Variants in SENP7 observed in about 807,000 individuals in gnomAD.
SENP7 encodes the protein SUMO specific peptidase 7, also known as sentrin-specific protease 7.
A neutral mutation model predicts 141.2 loss-of-function variants in SENP7; 64 were observed. The ratio of observed to expected loss-of-function variants is 0.45; its 90% CI spans 0.37 to 0.56. The LOEUF is 0.56. SENP7 is among the 20% of genes least tolerant of loss of function. The pLI, the probability that SENP7 is intolerant of heterozygous loss-of-function variation, is 0.00. For synonymous variants in SENP7, 382 were observed against 426.4 expected (o/e 0.90, Z 1.28); for missense variants, 1,025 against 1,212.2 (o/e 0.85, Z 2.29).
chr3:101,423,646 G>A (rs1027754395), intron 4 of SENP7, among the ~76,000 whole-genome samples: 5 of 152,168 alleles, frequency 3.3e-5, no homozygotes, highest in Admixed American at 1.3e-4. Flanking sequence ...AAGACGATGG[G>A]TGCACTCCTA....
intron 4 of SENP7, chr3:101,457,315 C>T: frequency 7.0e-7 from 1 of 1,438,698 alleles, no homozygotes; most frequent in Non-Finnish European, 9.7e-7. Flanking sequence ...TCATCCTCCC[C>T]AGTAGCAAGT....
At position 101,325,847 on chromosome 3, in the gene SENP7, A is replaced by T; in HGVS notation, c.*96T>A. 8.9e-7 allele frequency: 1 copy of T among 1,125,224 alleles called. No homozygotes were observed. Among genetic ancestry groups the T allele is most frequent in the Non-Finnish European group, 1.2e-6 (1 of 812,022 alleles). 69.7% of individuals were successfully genotyped at this position (1,125,224 alleles called of 1,614,324 possible). ...AATGACTTATTATAAAACTACTGCA[A>T]GTTATTTTCTTCTCTGTGAGCTGGC... On this transcript the variant is annotated 3_prime_UTR_variant, in exon 24 of 24. Coordinates refer to ENST00000394095, the MANE Select transcript of SENP7 (RefSeq NM_020654.5).
At chr3:101,455,005 C>T (rs754685521) in intron 4 of SENP7, among the ~76,000 whole-genome samples, 1 of 151,994 alleles carries the variant, frequency 6.6e-6, no homozygotes, top group Non-Finnish European at 1.5e-5. Context: ...TAAATTATAT[C>T]ACAATAAAAC....
chr3:101,370,748 T>C (rs529730388), intron 7 of SENP7, among the ~76,000 whole-genome samples: 1 of 152,316 alleles, frequency 6.6e-6, no homozygotes, highest in South Asian at 2.1e-4. Context: ...ACACTGACAG[T>C]GACTAATTGG....
In SENP7 at chr3:101,346,269, G is replaced by T. The variant is rs117673256; in HGVS notation, c.1837+1603C>A. On this transcript the variant is annotated intron_variant, in intron 13 of 23. Coordinates refer to ENST00000394095, the MANE Select transcript of SENP7 (RefSeq NM_020654.5). ...AAAGAATGAAAAAATAATAGAAGTT[G>T]GTGTGGATACAGTGAAAAGGGAACA... 3.9e-4 allele frequency among the ~76,000 whole-genome samples: 59 copies of T among 152,194 alleles called. 2 individuals are homozygous for T. In the East Asian group the frequency reaches 0.011, roughly 29 times the overall value.
intron 10 of SENP7, chr3:101,363,218 C>A: frequency 3.2e-6 from 2 of 617,718 alleles, no homozygotes; most frequent in Non-Finnish European, 4.0e-6. Flanking sequence ...AAAAGGGAAT[C>A]AATCAATCAA....
chr3:101,398,788 CTG>C, intron 6 of SENP7, 71 bp downstream of exon 6: 2 of 1,078,422 alleles, frequency 1.9e-6, no homozygotes, highest in Non-Finnish European at 2.6e-6. Flanking sequence ...AATAATGTAT[CTG>C]TGAAAAAGAA....
At chr3:101,499,559 A>G (rs369936764) in intron 2 of SENP7, among the ~76,000 whole-genome samples, 6,838 of 137,794 alleles carry the variant, frequency 0.05, 304 homozygotes, top group Middle Eastern at 0.08. Context: ...TCTTGGAGAC[A>G]GAGTCTCGCT....
chr3:101,482,589 G>T (rs896046061), intron 3 of SENP7, among the ~76,000 whole-genome samples: 17 of 152,234 alleles, frequency 1.1e-4, no homozygotes, highest in African/African-American at 4.1e-4. Flanking sequence ...AGAAGCAAAC[G>T]ACTAGGCATA....
In SENP7 at chr3:101,364,913, C is replaced by G. The variant is rs369409505; in HGVS notation, c.1397G>C (p.Arg466Pro). 1 of 1,602,716 alleles carries G rather than the reference C, an allele frequency of 6.2e-7. No individual in the cohort carries two copies. Among genetic ancestry groups the G allele is most frequent in the South Asian group, 1.1e-5 (1 of 89,136 alleles). Residue 466 changes from arginine (R) to proline (P), a missense_variant, in exon 10 of 24, where the codon CGT becomes CCT. Transcript: ENST00000394095. ...EILKLQSKQD[R>P]ETTNENESTS... ...ACTCTCATTTTCATTAGTTGTCTCA[C>G]GGTCTTGCTTAGATTGTAACTTAAG...
intron 14 of SENP7, among the ~76,000 whole-genome samples, chr3:101,343,137 T>TG (rs1189469760): frequency 6.6e-6 from 1 of 152,214 alleles, no homozygotes. Context: ...GTCTTATTAC[T>TG]GGTGATGTTC....
chr3:101,376,827 C>A, intron 6 of SENP7, among the ~76,000 whole-genome samples: 1 of 151,212 alleles, frequency 6.6e-6, no homozygotes. Context: ...GAATTTGAAA[C>A]AAAGCTGGGA....
intron 6 of SENP7, among the ~76,000 whole-genome samples, chr3:101,374,310 T>C (rs922251007): frequency 2.0e-5 from 3 of 152,158 alleles, no homozygotes; most frequent in African/African-American, 7.2e-5. Flanking sequence ...TAACTCAAAG[T>C]GGATCAAACA....
chr3:101,488,608 G>A (rs567885320), intron 3 of SENP7, among the ~76,000 whole-genome samples: 31 of 152,318 alleles, frequency 2.0e-4, no homozygotes, highest in Admixed American at 1.4e-3. Flanking sequence ...TTGGGAGGCC[G>A]AGGCAGCTGG....
chr3:101,389,813 G>C (rs1175534271), intron 6 of SENP7, among the ~76,000 whole-genome samples: 1 of 151,862 alleles, frequency 6.6e-6, no homozygotes, highest in Non-Finnish European at 1.5e-5. Flanking sequence ...TGATAAAAGT[G>C]GAAGAAAGAA....
In SENP7 at chr3:101,347,955, T is replaced by A. The variant is rs1559699447; in HGVS notation, c.1754A>T (p.His585Leu). The A allele has an allele frequency of 1.2e-6, 2 of 1,610,152 alleles. No homozygotes were observed. The highest frequency in any genetic ancestry group is 8.5e-7 in the Non-Finnish European group (1 of 1,177,058). ...SKDDNHSKRS[H>L]AILFFWVSSD... Reference sequence around the variant, plus strand: ...AGAGACCCAGAAGAAAAGAATAGCATGACTCCTTTTACTGTGATTATCATC... The same window carrying A: ...AGAGACCCAGAAGAAAAGAATAGCAAGACTCCTTTTACTGTGATTATCATC... Residue 585 changes from histidine to leucine, a missense_variant, in exon 13 of 24, where the codon CAT becomes CTT. Around this residue, in one of 4 missense-constraint regions of SENP7, gnomAD observed 228 missense variants for 228.5 expected, o/e 1.00. Transcript: ENST00000394095.
At position 101,432,672 on chromosome 3, in the gene SENP7, A is replaced by G. The variant is rs149686528; in HGVS notation, c.285-14882T>C. On this transcript the variant is annotated intron_variant, in intron 4 of 23. Transcript: ENST00000394095. ...TCCAGAGAATTCTCCCAGTTCTTGTACAAGACTATCAAGACAGTATCTCTA... is the reference window on the plus strand; with the variant it reads ...TCCAGAGAATTCTCCCAGTTCTTGTGCAAGACTATCAAGACAGTATCTCTA... 1.5e-3 allele frequency among the ~76,000 whole-genome samples: 228 copies of G among 152,380 alleles called. 3 individuals carry two copies. The highest frequency in any genetic ancestry group is 5.3e-3 in the African/African-American group (222 of 41,600).
intron 6 of SENP7, among the ~76,000 whole-genome samples, chr3:101,396,189 C>A (rs1385362390): frequency 6.6e-6 from 1 of 152,086 alleles, no homozygotes; most frequent in African/African-American, 2.4e-5. Context: ...CTGGAAATTC[C>A]ACATCTATTT....
At chr3:101,327,869 T>A in intron 22 of SENP7, 53 bp from the exon 23 acceptor site, 1 of 1,388,502 alleles carries the variant, frequency 7.2e-7, no homozygotes, top group Non-Finnish European at 9.8e-7. Context: ...TTTATCAGTA[T>A]GCAACATTTT....
Sources: allele counts gnomAD v4.1 joint callset (sites outside exome capture counted in the v4.1 genomes callset), GRCh38; gene constraint gnomAD v4.1.1; regional missense constraint gnomAD v4.1.1; transcripts MANE v1.5; gene names NCBI Gene and HGNC (gene_info 2026-07-23, HGNC 2026-07-21).